The following CMIP variants were observed in gnomAD, a reference collection of about 807,000 sequenced individuals.
CMIP encodes C-Maf-inducing protein.
CMIP carries 13 observed loss-of-function variants against 97.3 expected under a neutral mutation model. The ratio of observed to expected loss-of-function variants is 0.13; its 90% CI spans 0.09 to 0.21. The LOEUF (loss-of-function observed/expected upper bound fraction) is 0.21, where lower values mean the gene tolerates loss of function less well. Ranked by LOEUF, CMIP falls within the 10% of genes least tolerant of loss-of-function variation. CMIP has a pLI of 1.00. For synonymous variants in CMIP, 538 were observed against 436.3 expected (o/e 1.23, Z -2.91); for missense variants, 847 against 1,024.9 (o/e 0.83, Z 2.37).
chr16:81,645,317 C>G (rs1305402941), intron 3 of CMIP: 2 of 1,298,846 alleles, frequency 1.5e-6, no homozygotes, highest in East Asian at 3.0e-5. Context: ...GTGCAGCGTC[C>G]TCTCTTCACG....
intron 19 of CMIP, 33 bp downstream of exon 19, chr16:81,705,637 G>A (rs1908048853): frequency 7.1e-7 from 1 of 1,415,452 alleles, no homozygotes; most frequent in Non-Finnish European, 9.7e-7. Flanking sequence ...GGGGGTGAGG[G>A]GCCGCTTGAT....
At chr16:81,601,800 C>G (rs567649746) in intron 1 of CMIP, among the ~76,000 whole-genome samples, 1 of 152,182 alleles carries the variant, frequency 6.6e-6, no homozygotes. Context: ...CTCTGGGCAC[C>G]GTCACCTTGC....
intron 4 of CMIP, among the ~76,000 whole-genome samples, chr16:81,654,436 T>C (rs2092461756): frequency 6.6e-6 from 1 of 152,116 alleles, no homozygotes; most frequent in Non-Finnish European, 1.5e-5. Flanking sequence ...AGCTGACCCT[T>C]AAGTGCTAGG....
At chr16:81,496,519 G>C (rs1250126685) in intron 1 of CMIP, among the ~76,000 whole-genome samples, 1 of 152,214 alleles carries the variant, frequency 6.6e-6, no homozygotes, top group Non-Finnish European at 1.5e-5. Flanking sequence ...GATCAAATCA[G>C]ATTTATGGTT....
In CMIP at chr16:81,664,368, A is replaced by G; in HGVS notation, c.825+19A>G. 1.3e-6 allele frequency: 2 copies of G among 1,577,022 alleles called. No homozygotes were observed. Among genetic ancestry groups the G allele is most frequent in the Non-Finnish European group, 1.7e-6 (2 of 1,162,278 alleles). ...TAACATGGTGAGTCACCCTGCCCCA[A>G]CACCCAGACCCCAGCGCCCAGAACA... On this transcript the variant is annotated intron_variant, in intron 7 of 20. Transcript: ENST00000537098.
chr16:81,668,218 C>T (rs1031933012), intron 7 of CMIP, among the ~76,000 whole-genome samples: 3 of 152,140 alleles, frequency 2.0e-5, no homozygotes, highest in Admixed American at 6.5e-5. Flanking sequence ...GGCTCCCCTC[C>T]GTGGTCAGCC....
chr16:81,587,723 C>G (rs2091405273), intron 1 of CMIP, among the ~76,000 whole-genome samples: 1 of 152,194 alleles, frequency 6.6e-6, no homozygotes, highest in Non-Finnish European at 1.5e-5. Flanking sequence ...AGTGACCAAA[C>G]CTGTCTCTCC....
intron 1 of CMIP, among the ~76,000 whole-genome samples, chr16:81,470,556 C>T (rs12596605): frequency 6.6e-6 from 1 of 152,138 alleles, no homozygotes; most frequent in Non-Finnish European, 1.5e-5. Context: ...CCTGGAGGTT[C>T]GAGTCCACCA....
At chr16:81,509,152 G>T (rs564056843) in intron 1 of CMIP, among the ~76,000 whole-genome samples, 1 of 152,198 alleles carries the variant, frequency 6.6e-6, no homozygotes. Flanking sequence ...GTGTCTGCAG[G>T]TGTCACCAAC....
At chr16:81,494,158 C>CG (rs938765919) in intron 1 of CMIP, among the ~76,000 whole-genome samples, 1 of 152,096 alleles carries the variant, frequency 6.6e-6, no homozygotes, top group African/African-American at 2.4e-5. Context: ...GAGCAGTCAC[C>CG]GGGGGAATCG....
At chr16:81,488,872 C>T (rs755860228) in intron 1 of CMIP, among the ~76,000 whole-genome samples, 22 of 152,168 alleles carry the variant, frequency 1.4e-4, no homozygotes, top group Non-Finnish European at 2.6e-4. Context: ...ATGTGAGCCA[C>T]TGTCATTGAT....
chr16:81,696,236 G>T, intron 13 of CMIP: 1 of 423,338 alleles, frequency 2.4e-6, no homozygotes, highest in Non-Finnish European at 4.3e-6. Flanking sequence ...GCTGATTGTG[G>T]GCGGTTGCTC....
chr16:81,676,364 C>G (rs1340814320), intron 9 of CMIP, among the ~76,000 whole-genome samples: 1 of 152,044 alleles, frequency 6.6e-6, no homozygotes, highest in East Asian at 1.9e-4. Flanking sequence ...CCAGGCCGTC[C>G]CCAGTGCTCT....
intron 1 of CMIP, among the ~76,000 whole-genome samples, chr16:81,540,643 AGTGTGTGTGT>A (rs67286788): frequency 0.02 from 2,861 of 141,714 alleles, 40 homozygotes; most frequent in African/African-American, 0.031. Context: ...TCTTGTTTTG[AGTGTGTGTGT>A]GTGTGTGTGT....
At chr16:81,669,156 C>G (rs2092649739) in intron 7 of CMIP, among the ~76,000 whole-genome samples, 1 of 131,482 alleles carries the variant, frequency 7.6e-6, no homozygotes, top group Non-Finnish European at 1.6e-5. Context: ...CCTCCTTCCA[C>G]ACCCCTCTCA....
chr16:81,561,196 T>A (rs955717090), intron 1 of CMIP, among the ~76,000 whole-genome samples: 2 of 152,160 alleles, frequency 1.3e-5, no homozygotes, highest in African/African-American at 4.8e-5. Flanking sequence ...CTCAAGTGAT[T>A]CACTCGCCTT....
chr16:81,541,421 T>A (rs776287139), intron 1 of CMIP, among the ~76,000 whole-genome samples: 3 of 152,204 alleles, frequency 2.0e-5, no homozygotes, highest in Non-Finnish European at 2.9e-5. Context: ...GGGCTGTGAT[T>A]TCATAGGCCC....
intron 1 of CMIP, among the ~76,000 whole-genome samples, chr16:81,599,810 G>A (rs1032530711): frequency 2.0e-5 from 3 of 152,104 alleles, no homozygotes; most frequent in South Asian, 2.1e-4. Context: ...CAGCCTCCCC[G>A]CCTTAGCATT....
intron 1 of CMIP, among the ~76,000 whole-genome samples, chr16:81,446,723 C>T (rs972871094): frequency 2.0e-5 from 3 of 152,142 alleles, no homozygotes; most frequent in African/African-American, 4.8e-5. Context: ...AAACGTGTAG[C>T]GTGTGTAGAC....
Sources: gnomAD v4.1 joint callset for allele counts (sites outside exome capture counted in the v4.1 genomes callset) on GRCh38, gnomAD v4.1.1 for gene constraint, MANE v1.5 for transcripts, NCBI Gene and HGNC (gene_info 2026-07-23, HGNC 2026-07-21) for gene names.